Variants in MGAT4C observed in about 807,000 individuals in gnomAD.
MGAT4C encodes MGAT4 family member C.
A neutral mutation model predicts 40.1 loss-of-function variants in MGAT4C; 19 were observed. The observed-to-expected ratio is 0.47, with a 90% CI of 0.33 to 0.70. The LOEUF (loss-of-function observed/expected upper bound fraction) is 0.70. Ranked by LOEUF, MGAT4C falls within the 30% of genes least tolerant of loss-of-function variation. The pLI, the probability that MGAT4C is intolerant of heterozygous loss-of-function variation, is 0.02. For missense variants in MGAT4C, 491 were observed against 563.2 expected (o/e 0.87, Z 1.30); for synonymous variants, 181 against 187.1 (o/e 0.97, Z 0.27).
intron 2 of MGAT4C, among the ~76,000 whole-genome samples, chr12:86,700,221 T>G (rs2136613831): frequency 6.6e-6 from 1 of 150,614 alleles, no homozygotes; most frequent in East Asian, 2.0e-4. Flanking sequence ...AGATTAGGCT[T>G]TAGCATAAAC....
In MGAT4C at chr12:86,566,722, T is replaced by G. The variant is rs1465190603; in HGVS notation, c.-228-131457A>C. 3.0e-5 allele frequency among the ~76,000 whole-genome samples: 4 copies of G among 132,964 alleles called. No homozygotes were observed. The East Asian group carries it at 6.8e-4, about 23-fold the overall frequency. 87.2% of individuals were successfully genotyped at this position (132,964 alleles called of 152,430 possible). On this transcript the variant is annotated intron_variant, in intron 2 of 7. Transcript: ENST00000548651. ...GTATTATATATGTATTATATGTATA[T>G]ATACATACATATGTATACAATGTAT...
Position 86,563,765 on chromosome 12 carries a change from C to T in MGAT4C, c.-228-128500G>A, listed in dbSNP as rs550822897. On this transcript the variant is annotated intron_variant, in intron 2 of 7. Transcript: ENST00000548651. ...AGGGGACCCAAAAGGTTATTGTGGTCCTCCAGTTAAAGTAGGGGCTTATGG... is the reference window on the plus strand; with the variant it reads ...AGGGGACCCAAAAGGTTATTGTGGTTCTCCAGTTAAAGTAGGGGCTTATGG... Among the ~76,000 whole-genome samples the T allele has an allele frequency of 2.5e-4, 38 of 152,218 alleles. No individual in the cohort carries two copies. The South Asian group carries it at 6.4e-3, about 26-fold the overall frequency.
intron 3 of MGAT4C, among the ~76,000 whole-genome samples, chr12:86,356,135 G>C (rs1955304037): frequency 6.6e-6 from 1 of 152,160 alleles, no homozygotes; most frequent in African/African-American, 2.4e-5. Flanking sequence ...AAGGTATGTA[G>C]ATGAAAGTCA....
chr12:86,390,957 A>C (rs1956150732), intron 3 of MGAT4C, among the ~76,000 whole-genome samples: 1 of 152,190 alleles, frequency 6.6e-6, no homozygotes, highest in Non-Finnish European at 1.5e-5. Context: ...AATCTCATGG[A>C]AATATTTCCT....
chr12:86,166,808 A>AC (rs1886247086), intron 1 of MGAT4C, among the ~76,000 whole-genome samples: 1 of 152,218 alleles, frequency 6.6e-6, no homozygotes, highest in Non-Finnish European at 1.5e-5. Context: ...TACATAAAAA[A>AC]TTAAATAAAG....
intron 1 of MGAT4C, among the ~76,000 whole-genome samples, chr12:86,106,675 T>C (rs1876241755): frequency 2.0e-5 from 3 of 151,996 alleles, no homozygotes; most frequent in Admixed American, 2.0e-4. Flanking sequence ...TTCCTCTGAG[T>C]GACCTAATTT....
chr12:86,228,351 A>G (rs1305220196), intron 1 of MGAT4C, among the ~76,000 whole-genome samples: 3 of 151,962 alleles, frequency 2.0e-5, no homozygotes, highest in Non-Finnish European at 4.4e-5. Flanking sequence ...TTATCTATAG[A>G]TAATTTTAAT....
chr12:85,985,399 T>C (rs773403992), intron 3 of MGAT4C, among the ~76,000 whole-genome samples: 7 of 152,222 alleles, frequency 4.6e-5, no homozygotes, highest in Non-Finnish European at 8.8e-5. Flanking sequence ...AACTAGAGGC[T>C]TCCAATATGG....
intron 2 of MGAT4C, among the ~76,000 whole-genome samples, chr12:86,492,462 A>G (rs1411512509): frequency 6.6e-6 from 1 of 152,200 alleles, no homozygotes; most frequent in Non-Finnish European, 1.5e-5. Context: ...AGATCAATGG[A>G]ACAGAACAGA....
At chr12:86,363,410 A>T (rs1955525777) in intron 3 of MGAT4C, among the ~76,000 whole-genome samples, 1 of 152,146 alleles carries the variant, frequency 6.6e-6, no homozygotes, top group South Asian at 2.1e-4. Context: ...ATCTATTTTA[A>T]ACTTGATTAA....
At chr12:86,650,632 A>G (rs1266899973) in intron 2 of MGAT4C, among the ~76,000 whole-genome samples, 1 of 151,968 alleles carries the variant, frequency 6.6e-6, no homozygotes, top group East Asian at 1.9e-4. Flanking sequence ...TTGAAAATAG[A>G]TGTCTGTATT....
chr12:86,362,154 C>T (rs910134158), intron 3 of MGAT4C, among the ~76,000 whole-genome samples: 6 of 152,248 alleles, frequency 3.9e-5, no homozygotes, highest in Admixed American at 1.3e-4. Flanking sequence ...TACTATGCAG[C>T]CATAAAAACG....
Position 86,004,166 on chromosome 12 carries a change from T to G in MGAT4C, c.-6-14614A>C, listed in dbSNP as rs546742632. Among the ~76,000 whole-genome samples, 26 of 152,306 alleles carry G rather than the reference T, an allele frequency of 1.7e-4. No homozygotes were observed. In the South Asian group the frequency reaches 5.4e-3, roughly 32 times the overall value. On this transcript the variant is annotated intron_variant, in intron 2 of 4. Transcript: ENST00000611864. ...AGAGAAATACTAAAAATAATTTGGTTTATTTAATTGATACATTGCATTGCA... is the reference window on the plus strand; with the variant it reads ...AGAGAAATACTAAAAATAATTTGGTGTATTTAATTGATACATTGCATTGCA...
intron 2 of MGAT4C, among the ~76,000 whole-genome samples, chr12:86,628,056 A>C (rs11613065): frequency 0.13 from 20,381 of 152,162 alleles, 2,146 homozygotes; most frequent in African/African-American, 0.3. Context: ...GTTAAATGAC[A>C]TGATGGAGCT....
At chr12:86,541,649 T>C (rs1188263676) in intron 2 of MGAT4C, among the ~76,000 whole-genome samples, 1 of 152,220 alleles carries the variant, frequency 6.6e-6, no homozygotes, top group East Asian at 1.9e-4. Context: ...TAGATAATTT[T>C]AGAAGTGAAA....
chr12:86,448,132 A>G (rs1957370207), intron 2 of MGAT4C, among the ~76,000 whole-genome samples: 1 of 152,130 alleles, frequency 6.6e-6, no homozygotes, highest in South Asian at 2.1e-4. Flanking sequence ...ATTTCCCTCA[A>G]TCTTTGGATG....
intron 2 of MGAT4C, among the ~76,000 whole-genome samples, chr12:86,720,253 G>A (rs1444004386): frequency 6.6e-6 from 1 of 152,178 alleles, no homozygotes; most frequent in African/African-American, 2.4e-5. Flanking sequence ...GGTAGCTAAA[G>A]TCTCCGAAAT....
chr12:86,836,874 C>T (rs890753054), intron 1 of MGAT4C, among the ~76,000 whole-genome samples: 3 of 152,058 alleles, frequency 2.0e-5, no homozygotes, highest in African/African-American at 7.2e-5. Context: ...AATATGTTCC[C>T]TGAAATGCTT....
chr12:86,247,708 C>G (rs1220671936), intron 1 of MGAT4C, among the ~76,000 whole-genome samples: 1 of 151,982 alleles, frequency 6.6e-6, no homozygotes, highest in Non-Finnish European at 1.5e-5. Flanking sequence ...AACTAAGGCT[C>G]AGTGGTGGAA....
Sources: allele counts gnomAD v4.1 joint callset (sites outside exome capture counted in the v4.1 genomes callset), GRCh38; gene constraint gnomAD v4.1.1; transcripts MANE v1.5; gene names NCBI Gene and HGNC (gene_info 2026-07-23, HGNC 2026-07-21).